LRP8: variants seen among roughly 807,000 people sequenced by gnomAD.
LRP8 encodes the protein LDL receptor related protein 8, also known as low-density lipoprotein receptor-related protein 8.
Under a neutral mutation model 111.6 loss-of-function variants are expected in LRP8, and 46 were observed. That is an observed-to-expected ratio of 0.41 (90% CI 0.33 to 0.53). LRP8 has a LOEUF of 0.53. Among genes scored for constraint, LRP8 ranks in the 20% least tolerant of loss-of-function variants. LRP8 has a pLI of 0.20. For missense variants in LRP8, 959 were observed against 1,297.4 expected (o/e 0.74, Z 4.01); for synonymous variants, 464 against 511.2 (o/e 0.91, Z 1.24).
chr1:53,291,136 T>C (rs1557815983), intron 2 of LRP8, among the ~76,000 whole-genome samples: 1 of 152,158 alleles, frequency 6.6e-6, no homozygotes, highest in Non-Finnish European at 1.5e-5. Flanking sequence ...CTACAGCTTC[T>C]TCATCAGGAA....
intron 2 of LRP8, among the ~76,000 whole-genome samples, chr1:53,315,230 G>C (rs549671684): frequency 2.6e-4 from 40 of 152,230 alleles, no homozygotes; most frequent in African/African-American, 9.4e-4. Context: ...GGAGCGGCAG[G>C]GGAGAAAGGG....
Position 53,275,883 on chromosome 1 carries a change from C to T in LRP8, c.884-130G>A. On this transcript the variant is annotated intron_variant, in intron 5 of 18. Transcript: ENST00000306052. The surrounding 1 kb of genome is among the most constrained non-coding windows in gnomAD (Gnocchi z 4.4). ...ACCAGTGGCTGAACTCAGGAGTCCT[C>T]AAAGGACACCTGGCCAAGGCACCTC... 5.2e-6 allele frequency: 6 copies of T among 1,148,876 alleles called. No individual in the cohort carries two copies. The highest frequency in any genetic ancestry group is 6.1e-6 in the Non-Finnish European group (5 of 819,312). 71.2% of individuals were successfully genotyped at this position (1,148,876 alleles called of 1,614,324 possible). A position where few individuals can be genotyped will look rare whatever the true frequency, so the allele number is the denominator to read the frequency against.
At chr1:53,288,924 G>T (rs1348909909) in intron 3 of LRP8, among the ~76,000 whole-genome samples, 1 of 152,166 alleles carries the variant, frequency 6.6e-6, no homozygotes, top group East Asian at 1.9e-4. Context: ...CTGAGTGTAG[G>T]GGGCAGGCCT....
intron 2 of LRP8, chr1:53,304,614 C>T (rs1651611404): frequency 6.6e-6 from 1 of 152,274 alleles, no homozygotes; most frequent in Non-Finnish European, 1.5e-5. Flanking sequence ...TGCTGGCACG[C>T]CCTGCAGTTA....
At chr1:53,304,099 G>A (rs752822393) in intron 2 of LRP8, among the ~76,000 whole-genome samples, 2 of 152,174 alleles carry the variant, frequency 1.3e-5, no homozygotes, top group Non-Finnish European at 2.9e-5. Context: ...CTTGCTGAGC[G>A]ATAAAGGAAA....
In LRP8 at chr1:53,271,098, C is replaced by T. The variant is rs1453680258; in HGVS notation, c.1182G>A (p.Lys394=). 6.2e-7 allele frequency: 1 copy of T among 1,614,020 alleles called. No individual in the cohort carries two copies. The highest frequency in any genetic ancestry group is 1.3e-5 in the African/African-American group (1 of 74,964). The change falls in exon 8 of 19, where the codon AAG becomes AAA. Residue 394 remains lysine, a synonymous_variant. Transcript: ENST00000306052. ...GGTAGCACTCACACTTAAAATAGCC[C>T]TTGTAATTGACACAGATCTGGCTGC... ...DACSQICVNY[K]GYFKCECYPG...
At chr1:53,286,507 C>T (rs921493968) in intron 3 of LRP8, among the ~76,000 whole-genome samples, 57 of 152,350 alleles carry the variant, frequency 3.7e-4, no homozygotes, top group African/African-American at 1.3e-3. Context: ...CTCACCCCTC[C>T]CAACAGAAGC....
intron 2 of LRP8, among the ~76,000 whole-genome samples, chr1:53,319,763 C>T (rs779159867): frequency 1.2e-4 from 18 of 152,218 alleles, no homozygotes; most frequent in South Asian, 2.1e-4. Context: ...TAATTAAAAC[C>T]GCTGCCGGGG....
chr1:53,308,469 C>T (rs780453451), intron 2 of LRP8, among the ~76,000 whole-genome samples: 8 of 151,410 alleles, frequency 5.3e-5, no homozygotes, highest in African/African-American at 7.3e-5. Flanking sequence ...CCTGGGGCAC[C>T]GTCTTTGCTG....
chr1:53,242,764 G>A lies in LRP8; in HGVS notation c.*4254C>T, dbSNP rs1027293134. The A allele has an allele frequency of 3.3e-5, 5 of 151,478 alleles. No homozygotes were observed. The highest frequency in any genetic ancestry group is 5.9e-5 in the Non-Finnish European group (4 of 67,884). 9.4% of individuals were successfully genotyped at this position (151,478 alleles called of 1,614,324 possible). A position where few individuals can be genotyped will look rare whatever the true frequency, so the allele number is the denominator to read the frequency against. On this transcript the variant is annotated 3_prime_UTR_variant, in exon 19 of 19. Transcript: ENST00000306052. The stretch of plus-strand genomic sequence containing the variant: ...TGGAAAAAAAAATGCTCTTTTAAAA[G>A]TATATGGTTTGGACAGGTATATTTG...
At chr1:53,272,638 C>T (rs187111566) in intron 6 of LRP8, 312 of 1,289,564 alleles carry the variant, frequency 2.4e-4, no homozygotes, top group Non-Finnish European at 3.1e-4. Context: ...GGAATGTTGG[C>T]GGAACTGAAA....
At chr1:53,265,401 C>G (rs115767674) in intron 9 of LRP8, among the ~76,000 whole-genome samples, 60 of 152,310 alleles carry the variant, frequency 3.9e-4, no homozygotes, top group African/African-American at 1.4e-3. Context: ...CCCTTCCCCT[C>G]GGCCAACCAG....
chr1:53,314,549 G>A (rs1055674004), intron 2 of LRP8, among the ~76,000 whole-genome samples: 3 of 152,232 alleles, frequency 2.0e-5, no homozygotes, highest in African/African-American at 7.2e-5. Flanking sequence ...GTAAGCAGAG[G>A]CCCCATTAAC....
At chr1:53,292,663 G>A (rs1294683742) in intron 2 of LRP8, among the ~76,000 whole-genome samples, 2 of 152,166 alleles carry the variant, frequency 1.3e-5, no homozygotes, top group Non-Finnish European at 2.9e-5. Flanking sequence ...ACACTCACTA[G>A]GTGCTTCCTC....
chr1:53,325,400 G>C (rs1655010130), intron 2 of LRP8, among the ~76,000 whole-genome samples: 1 of 152,228 alleles, frequency 6.6e-6, no homozygotes, highest in Admixed American at 6.5e-5. Flanking sequence ...AGTACTTACT[G>C]CAGTGCTTGG....
In LRP8 at chr1:53,280,626, CCTT is replaced by C; in HGVS notation, c.454_456del (p.Lys152del). On this transcript the variant is annotated inframe_deletion, in exon 4 of 19. Coordinates refer to ENST00000306052, the MANE Select transcript of LRP8 (RefSeq NM_004631.5). ...GCCTCATCCGCTCCACCCTCGCAGT[CCTT>C]CTCCCCGTCGCAGCGCCACGAGGCA... 1 of 1,613,464 alleles carries C rather than the reference CCTT, an allele frequency of 6.2e-7. No individual in the cohort carries two copies. Among genetic ancestry groups the C allele is most frequent in the East Asian group, 2.2e-5 (1 of 44,884 alleles).
Position 53,249,468 on chromosome 1 carries a change from T to A in LRP8, c.2765A>T (p.Glu922Val). 6.2e-7 allele frequency: 1 copy of A among 1,614,088 alleles called. No individual in the cohort carries two copies. Among genetic ancestry groups the A allele is most frequent in the Non-Finnish European group, 8.5e-7 (1 of 1,179,938 alleles). Reference protein sequence around the residue: ...EPEDPAPALKELFVLPGEPRS... With the variant: ...EPEDPAPALKVLFVLPGEPRS... ...TGGTTCCCCCGGCAAGACAAAAAGC[T>A]CCTTGAGGGCAGGGGCTGGGTCTTC... Residue 922 changes from glutamate to valine, a missense_variant, in exon 18 of 19, where the codon GAG (glutamate) becomes GTG (valine). Glu to Val is a moderately radical substitution (Grantham distance 121). This residue lies in a region of LRP8 where 819 missense variants were observed against 1,097.6 expected (regional missense o/e 0.75). Transcript: ENST00000306052. The surrounding 1 kb of genome is among the most constrained non-coding windows in gnomAD (Gnocchi z 4.1).
rs113667621 is a variant in LRP8 at position 53,272,066 on chromosome 1, C to A, written c.1007-720G>T. Among the ~76,000 whole-genome samples the A allele has an allele frequency of 7.0e-3, 1,057 of 152,020 alleles. 11 individuals carry two copies. The highest frequency in any genetic ancestry group is 0.023 in the African/African-American group (941 of 41,454). ...AACCTGAACAACACAGGATGCCCCC[C>A]CTAATGTGCTTGTGGTTATTTAAGA... On this transcript the variant is annotated intron_variant, in intron 6 of 18. Coordinates refer to ENST00000306052, the MANE Select transcript of LRP8 (RefSeq NM_004631.5).
At chr1:53,323,485 C>T (rs1654769251) in intron 2 of LRP8, among the ~76,000 whole-genome samples, 1 of 152,246 alleles carries the variant, frequency 6.6e-6, no homozygotes, top group African/African-American at 2.4e-5. Context: ...CAACAGGAAA[C>T]TGAGGCCCAG....
Sources: allele counts gnomAD v4.1 joint callset (sites outside exome capture counted in the v4.1 genomes callset), GRCh38; gene constraint gnomAD v4.1.1; regional missense constraint gnomAD v4.1.1; non-coding constraint Gnocchi (gnomAD v3.1); transcripts MANE v1.5; gene names NCBI Gene and HGNC (gene_info 2026-07-23, HGNC 2026-07-21).